Variants in OAS2 observed in about 807,000 individuals in gnomAD.
OAS2 encodes the protein 2'-5'-oligoadenylate synthetase 2.
A neutral mutation model predicts 71.3 loss-of-function variants in OAS2; 67 were observed. The observed-to-expected ratio is 0.94, with a 90% CI of 0.77 to 1.15. OAS2 has a LOEUF of 1.15. Among genes scored for constraint, OAS2 ranks in the 50% most tolerant of loss-of-function variants. The pLI, the probability that OAS2 is intolerant of heterozygous loss-of-function variation, is 0.00. For missense variants in OAS2, 789 were observed against 822.5 expected, an observed-to-expected ratio of 0.96 and a Z score of 0.50; for synonymous variants, 327 against 321.8, an observed-to-expected ratio of 1.02 and a Z score of -0.17.
chr12:112,979,304 A>G (rs1459323874), intron 1 of OAS2, among the ~76,000 whole-genome samples: 1 of 152,066 alleles, frequency 6.6e-6, no homozygotes, highest in Non-Finnish European at 1.5e-5. Context: ...TCTGGGGAGG[A>G]AGGGGGACTG....
chr12:112,995,450 C>T lies in OAS2; in HGVS notation c.603C>T (p.Leu201=), dbSNP rs766255329. ...NRPGKLKDLI[L]LIKHWHQQCQ... ...CTGGAAAACTAAAGGATTTGATCCTCTTGATAAAGCACTGGCATCAACAGG... is the reference window on the plus strand; with the variant it reads ...CTGGAAAACTAAAGGATTTGATCCTTTTGATAAAGCACTGGCATCAACAGG... Residue 201 remains leucine (L), a synonymous_variant, in exon 3 of 10, where the codon CTC becomes CTT. Coordinates refer to ENST00000392583, the MANE Select transcript of OAS2 (RefSeq NM_002535.3). 3 of 1,613,856 alleles carry T rather than the reference C, an allele frequency of 1.9e-6. No individual in the cohort carries two copies. The highest frequency in any genetic ancestry group is 2.5e-6 in the Non-Finnish European group (3 of 1,179,938).
At chr12:112,983,357 T>C (rs1473887168) in intron 1 of OAS2, among the ~76,000 whole-genome samples, 1 of 151,938 alleles carries the variant, frequency 6.6e-6, no homozygotes, top group Non-Finnish European at 1.5e-5. Context: ...TCCTGAGTAG[T>C]TGGGATCACA....
Position 113,010,658 on chromosome 12 carries a change from C to G in OAS2, c.*1403C>G. On this transcript the variant is annotated 3_prime_UTR_variant, in exon 10 of 10. Transcript: ENST00000392583. ...CTTGCCTTGCTGAACTCCCTCTCTG[C>G]AGGCAGCCTGCCTTTAAAAATAGTT... The G allele has an allele frequency of 1.1e-6, 1 of 871,144 alleles. No individual in the cohort carries two copies. Among genetic ancestry groups the G allele is most frequent in the Non-Finnish European group, 1.6e-6 (1 of 635,334 alleles). 54.0% of individuals were successfully genotyped at this position (871,144 alleles called of 1,614,324 possible). A position where few individuals can be genotyped will look rare whatever the true frequency, so the allele number is the denominator to read the frequency against.
At chr12:112,987,672 G>T in intron 2 of OAS2, 1 of 1,123,622 alleles carries the variant, frequency 8.9e-7, no homozygotes, top group Non-Finnish European at 1.1e-6. Flanking sequence ...ATGATGAGCT[G>T]CTGGTCCGCA....
intron 6 of OAS2, among the ~76,000 whole-genome samples, chr12:113,004,703 A>G (rs2044315382): frequency 6.6e-6 from 1 of 152,258 alleles, no homozygotes; most frequent in Non-Finnish European, 1.5e-5. Context: ...TCAGTTGTTC[A>G]TGTATAAAAG....
In OAS2 at chr12:113,009,418, G is replaced by A. The variant is rs927395560; in HGVS notation, c.*163G>A. 4.0e-5 allele frequency: 58 copies of A among 1,457,614 alleles called. No homozygotes were observed. In the African/African-American group the frequency reaches 5.1e-4, roughly 13 times the overall value. 90.3% of individuals were successfully genotyped at this position (1,457,614 alleles called of 1,614,324 possible). On this transcript the variant is annotated 3_prime_UTR_variant, in exon 10 of 10. Transcript: ENST00000392583. Reference sequence around the variant, plus strand: ...AGCCCCCACTACAAGTGATCCTCAGGCAGGTAACCCCAGATTCATGCACTG... The same window carrying A: ...AGCCCCCACTACAAGTGATCCTCAGACAGGTAACCCCAGATTCATGCACTG...
intron 2 of OAS2, among the ~76,000 whole-genome samples, chr12:112,993,407 C>T: frequency 6.6e-6 from 1 of 152,154 alleles, no homozygotes; most frequent in East Asian, 1.9e-4. Flanking sequence ...ACATAAAAGG[C>T]TTAGAGTAAA....
chr12:112,986,905 GC>G, intron 1 of OAS2, 132 bp from the exon 2 acceptor site: 14 of 1,198,782 alleles, frequency 1.2e-5, no homozygotes, highest in Middle Eastern at 5.5e-4. Flanking sequence ...TCTTTGTGGG[GC>G]AAATGGATGC....
intron 1 of OAS2, among the ~76,000 whole-genome samples, chr12:112,984,206 T>C (rs1475385853): frequency 6.6e-6 from 1 of 152,216 alleles, no homozygotes; most frequent in Non-Finnish European, 1.5e-5. Flanking sequence ...GCTCTACCGT[T>C]GGGTGGTCAT....
At position 112,984,782 on chromosome 12, in the gene OAS2, C is replaced by T. The variant is rs577304776; in HGVS notation, c.178-2256C>T. Among the ~76,000 whole-genome samples the T allele has an allele frequency of 3.0e-3, 457 of 152,234 alleles. 1 individual carries two copies. The highest frequency in any genetic ancestry group is 0.01 in the African/African-American group (434 of 41,554). On this transcript the variant is annotated intron_variant, in intron 1 of 9. Transcript: ENST00000392583. The stretch of plus-strand genomic sequence containing the variant: ...TTTTGTGTGTTTTCATGATGGTAGA[C>T]ATCATCCCTTTGCTTCCAGATGTAA...
At chr12:112,986,477 C>T (rs1346901027) in intron 1 of OAS2, among the ~76,000 whole-genome samples, 1 of 152,086 alleles carries the variant, frequency 6.6e-6, no homozygotes. Context: ...TAGGCTGGTC[C>T]CCAGGCCCTT....
chr12:112,997,760 C>T lies in OAS2; in HGVS notation c.863+5C>T. The T allele has an allele frequency of 1.3e-6, 2 of 1,561,492 alleles. No homozygotes were observed. Among genetic ancestry groups the T allele is most frequent in the Non-Finnish European group, 1.7e-6 (2 of 1,150,670 alleles). On this transcript the variant is annotated splice_donor_5th_base_variant and intron_variant, in intron 4 of 9. Transcript: ENST00000392583. ...GCACCAGCTCCAATCAGCGAGGTGC[C>T]AAGCTTCTCACACCCTATCCCTGTA...
Position 112,978,927 on chromosome 12 carries a change from A to G in OAS2, c.177+142A>G, listed in dbSNP as rs1239255234. 2.7e-6 allele frequency: 2 copies of G among 753,378 alleles called. No individual in the cohort carries two copies. Among genetic ancestry groups the G allele is most frequent in the South Asian group, 2.0e-5 (1 of 50,270 alleles). 46.7% of individuals were successfully genotyped at this position (753,378 alleles called of 1,614,324 possible). On this transcript the variant is annotated intron_variant, in intron 1 of 9. Transcript: ENST00000392583. This position sits in a 1 kb window ranked among gnomAD's most constrained non-coding sequence, Gnocchi z 4.2. ...GTGGTGTAGGAGTCTCAGGCTCTGG[A>G]GCAGGCGCTTGCTCCAGAGCTGTGT...
rs1188548928 is a variant in OAS2 at position 113,002,931 on chromosome 12, G to A, written c.1009-1G>A. The A allele has an allele frequency of 6.2e-7, 1 of 1,613,866 alleles. No individual in the cohort carries two copies. Among genetic ancestry groups the A allele is most frequent in the East Asian group, 2.2e-5 (1 of 44,880 alleles). On this transcript the variant is annotated splice_acceptor_variant, in intron 5 of 9. Transcript: ENST00000392583. LOFTEE classifies it high-confidence loss of function. ...ACTTGGGGTCTTCCTTCCTTCCCCAGCCTGCACCACTCTTCACGACCCCAG... is the reference window on the plus strand; with the variant it reads ...ACTTGGGGTCTTCCTTCCTTCCCCAACCTGCACCACTCTTCACGACCCCAG...
At chr12:113,002,433 A>C (rs996803400) in intron 5 of OAS2, among the ~76,000 whole-genome samples, 32 of 152,224 alleles carry the variant, frequency 2.1e-4, no homozygotes. Context: ...GTCACTTGTT[A>C]TGGCAGCCTT....
In OAS2 at chr12:113,007,883, A is replaced by G. The variant is rs147184915; in HGVS notation, c.1835A>G (p.Asn612Ser). The stretch of plus-strand genomic sequence containing the variant: ...CAGCTCTGCATCTTCTGGAAGGTCA[A>G]TTACAACTTTGAAGATGAGACCGTG... ...YQQLCIFWKV[N>S]YNFEDETVRK... The change falls in exon 9 of 10, where the codon AAT becomes AGT. Residue 612 changes from asparagine to serine, a missense_variant. Asn to Ser is a conservative substitution (Grantham distance 46). Transcript: ENST00000392583. 8.1e-6 allele frequency: 13 copies of G among 1,614,176 alleles called. No homozygotes were observed. Among genetic ancestry groups the G allele is most frequent in the South Asian group, 7.7e-5 (7 of 91,088 alleles).
At chr12:112,993,639 G>A (rs2044210228) in intron 2 of OAS2, among the ~76,000 whole-genome samples, 1 of 152,088 alleles carries the variant, frequency 6.6e-6, no homozygotes, top group African/African-American at 2.4e-5. Context: ...CAACACTTTG[G>A]AAGGCCAAGG....
At chr12:112,988,576 C>T (rs1454703641) in intron 2 of OAS2, 8 of 980,816 alleles carry the variant, frequency 8.2e-6, no homozygotes, top group Non-Finnish European at 9.7e-6. Flanking sequence ...AAATTTTAGG[C>T]CAAACTTAAA....
intron 3 of OAS2, among the ~76,000 whole-genome samples, chr12:112,996,031 G>C (rs760176530): frequency 2.6e-5 from 4 of 152,100 alleles, no homozygotes; most frequent in Non-Finnish European, 4.4e-5. Flanking sequence ...TGAACTCCTG[G>C]GCTCAAGCTA....
Sources: allele counts gnomAD v4.1 joint callset (sites outside exome capture counted in the v4.1 genomes callset), GRCh38; gene constraint gnomAD v4.1.1; non-coding constraint Gnocchi (gnomAD v3.1); transcripts MANE v1.5; gene names NCBI Gene and HGNC (gene_info 2026-07-23, HGNC 2026-07-21).